Variants in ATP8A2 observed in about 807,000 individuals in gnomAD.
The protein encoded by ATP8A2 is ATPase phospholipid transporting 8A2.
In ATP8A2, 100 loss-of-function variants were observed where a neutral mutation model predicts 165.6. That is an observed-to-expected ratio of 0.60 (90% CI 0.51 to 0.71). The LOEUF is 0.71. ATP8A2 is among the 30% of genes least tolerant of loss of function. The pLI is 0.00. For missense variants in ATP8A2, 1,227 were observed against 1,479.5 expected (o/e 0.83, Z 2.80); for synonymous variants, 543 against 548.8 (o/e 0.99, Z 0.15).
chr13:25,801,938 G>A (rs570324311), intron 27 of ATP8A2, among the ~76,000 whole-genome samples: 98 of 152,204 alleles, frequency 6.4e-4, no homozygotes, highest in Middle Eastern at 6.8e-3. Flanking sequence ...AAAACCATCA[G>A]ATCTCGGGAG....
intron 1 of ATP8A2, among the ~76,000 whole-genome samples, chr13:25,468,372 C>T (rs922584130): frequency 6.6e-6 from 1 of 152,210 alleles, no homozygotes; most frequent in African/African-American, 2.4e-5. Context: ...GGATCCCTTG[C>T]AGACAATGGT....
rs117086171 is a variant in ATP8A2 at position 25,924,766 on chromosome 13, C to G, written c.3184-36809C>G. On this transcript the variant is annotated intron_variant, in intron 33 of 36. Transcript: ENST00000381655. ...ATAATCCCCATGTGTCATGGGAGGACCCGGTGGGAGGTAATTGAATCATGG... is the reference window on the plus strand; with the variant it reads ...ATAATCCCCATGTGTCATGGGAGGAGCCGGTGGGAGGTAATTGAATCATGG... Among the ~76,000 whole-genome samples, 425 of 152,202 alleles carry G rather than the reference C, an allele frequency of 2.8e-3. 3 individuals are homozygous for G. The highest frequency in any genetic ancestry group is 0.02 in the Middle Eastern group (6 of 294).
chr13:25,590,894 GC>G (rs1490034640), intron 24 of ATP8A2, among the ~76,000 whole-genome samples: 1 of 151,990 alleles, frequency 6.6e-6, no homozygotes, highest in Non-Finnish European at 1.5e-5. Context: ...TGTTTCCAAG[GC>G]ACCACTGGCA....
At chr13:25,422,577 T>C (rs948908931) in intron 1 of ATP8A2, among the ~76,000 whole-genome samples, 1 of 152,342 alleles carries the variant, frequency 6.6e-6, no homozygotes, top group Non-Finnish European at 1.5e-5. Context: ...TTACTATTCA[T>C]GCTTTTAATA....
intron 24 of ATP8A2, among the ~76,000 whole-genome samples, chr13:25,603,470 C>CAA (rs60241678): frequency 5.9e-5 from 7 of 118,444 alleles, no homozygotes; most frequent in South Asian, 2.9e-4. Context: ...GACTCTGTCT[C>CAA]AAAAAAAAAA....
At chr13:25,643,052 G>A (rs192359040) in intron 24 of ATP8A2, among the ~76,000 whole-genome samples, 30 of 152,174 alleles carry the variant, frequency 2.0e-4, no homozygotes, top group African/African-American at 6.0e-4. Context: ...ATCATACATC[G>A]GATCCTGTTG....
intron 24 of ATP8A2, among the ~76,000 whole-genome samples, chr13:25,613,653 G>A (rs1245511976): frequency 3.9e-5 from 6 of 152,172 alleles, no homozygotes; most frequent in Non-Finnish European, 8.8e-5. Flanking sequence ...AATTCTCTCA[G>A]CATTTTTTTG....
chr13:25,485,315 C>T (rs2036317778), intron 2 of ATP8A2, among the ~76,000 whole-genome samples: 2 of 152,162 alleles, frequency 1.3e-5, no homozygotes, highest in African/African-American at 4.8e-5. Flanking sequence ...GGAGGTACCA[C>T]CATTATTCTC....
At chr13:25,853,629 C>G (rs1952076144) in intron 30 of ATP8A2, among the ~76,000 whole-genome samples, 1 of 152,082 alleles carries the variant, frequency 6.6e-6, no homozygotes. Flanking sequence ...GTCTCCCATG[C>G]CTGCTAACCC....
intron 1 of ATP8A2, among the ~76,000 whole-genome samples, chr13:25,458,145 T>C (rs1024493940): frequency 5.3e-5 from 8 of 152,200 alleles, no homozygotes; most frequent in African/African-American, 1.9e-4. Context: ...TTAGAAGGAA[T>C]GTCAAGAGAA....
intron 16 of ATP8A2, among the ~76,000 whole-genome samples, chr13:25,570,233 C>A (rs2039426620): frequency 1.3e-5 from 2 of 152,138 alleles, no homozygotes; most frequent in Admixed American, 1.3e-4. Flanking sequence ...GGAATGGGAG[C>A]CTGGAGATGG....
At chr13:26,011,938 A>G (rs80204042) in intron 35 of ATP8A2, among the ~76,000 whole-genome samples, 2,827 of 152,138 alleles carry the variant, frequency 0.019, 90 homozygotes, top group African/African-American at 0.063. Context: ...ATCTTTTTAA[A>G]AAAATAAAAT....
intron 33 of ATP8A2, among the ~76,000 whole-genome samples, chr13:25,930,239 T>G (rs1954732750): frequency 6.6e-6 from 1 of 152,156 alleles, no homozygotes; most frequent in Admixed American, 6.5e-5. Context: ...CAAACCATGT[T>G]CCTTCTCTCT....
chr13:25,896,809 A>G (rs902260336), intron 33 of ATP8A2, among the ~76,000 whole-genome samples: 4 of 151,720 alleles, frequency 2.6e-5, no homozygotes, highest in African/African-American at 4.8e-5. Flanking sequence ...GTCTCTTTTG[A>G]TCTTTGTTGG....
At chr13:25,724,234 G>T (rs1042253082) in intron 25 of ATP8A2, among the ~76,000 whole-genome samples, 1 of 152,168 alleles carries the variant, frequency 6.6e-6, no homozygotes, top group African/African-American at 2.4e-5. Flanking sequence ...CATCTGGGAG[G>T]GCTCTGTGCC....
chr13:25,591,492 C>A, intron 24 of ATP8A2: 1 of 392,658 alleles, frequency 2.5e-6, no homozygotes, highest in Non-Finnish European at 5.1e-6. Context: ...GAATTTCGCT[C>A]CTTTTTAAGG....
intron 33 of ATP8A2, among the ~76,000 whole-genome samples, chr13:25,959,382 A>C (rs575672277): frequency 6.6e-6 from 1 of 152,348 alleles, no homozygotes; most frequent in Admixed American, 6.5e-5. Flanking sequence ...CCACACTTGA[A>C]GGAGGCACTC....
At chr13:25,374,987 T>G (rs2032566514) in intron 1 of ATP8A2, among the ~76,000 whole-genome samples, 1 of 152,220 alleles carries the variant, frequency 6.6e-6, no homozygotes, top group Admixed American at 6.5e-5. Flanking sequence ...GAATATTTTC[T>G]TGTCTGAGCC....
At chr13:25,661,273 C>G (rs2042044729) in intron 24 of ATP8A2, among the ~76,000 whole-genome samples, 2 of 152,214 alleles carry the variant, frequency 1.3e-5, no homozygotes, top group African/African-American at 4.8e-5. Context: ...AAACCTGCCA[C>G]TGCCGAGGCT....
Sources: allele counts gnomAD v4.1 joint callset (sites outside exome capture counted in the v4.1 genomes callset), GRCh38; gene constraint gnomAD v4.1.1; transcripts MANE v1.5; gene names NCBI Gene and HGNC (gene_info 2026-07-23, HGNC 2026-07-21).